The following PRORP variants were observed in gnomAD, a reference collection of about 807,000 sequenced individuals.
PRORP encodes protein only RNase P catalytic subunit, also known as mitochondrial ribonuclease P catalytic subunit.
A neutral mutation model predicts 59.4 loss-of-function variants in PRORP; 51 were observed. The observed-to-expected ratio is 0.86, with a 90% confidence interval of 0.69 to 1.08. The LOEUF (loss-of-function observed/expected upper bound fraction) is 1.08, where lower values mean the gene tolerates loss of function less well. PRORP is among the 50% of genes least tolerant of loss of function. The pLI is 0.00. For synonymous variants in PRORP, 231 were observed against 245.6 expected (o/e 0.94, Z 0.55); for missense variants, 646 against 690.3 (o/e 0.94, Z 0.72).
At chr14:35,129,360 T>G (rs2047178118) in intron 4 of PRORP, among the ~76,000 whole-genome samples, 1 of 152,078 alleles carries the variant, frequency 6.6e-6, no homozygotes, top group South Asian at 2.1e-4. Context: ...CCATTTTGTT[T>G]TCTGGTTGTT....
At chr14:35,135,094 A>G (rs1428639205) in intron 4 of PRORP, among the ~76,000 whole-genome samples, 60 of 152,124 alleles carry the variant, frequency 3.9e-4, no homozygotes, top group Non-Finnish European at 7.4e-5. Context: ...GTGTCTCACA[A>G]TTGCTGCACT....
chr14:35,123,737 G>A lies in PRORP; in HGVS notation c.492G>A (p.Trp164Ter), dbSNP rs1178695871. 3.7e-6 allele frequency: 6 copies of A among 1,614,172 alleles called. No individual in the cohort carries two copies. The highest frequency in any genetic ancestry group is 5.1e-6 in the Non-Finnish European group (6 of 1,180,038). Residue 164 changes from tryptophan (W) to a stop codon, truncating the protein, a stop_gained, in exon 2 of 8, where the codon TGG (tryptophan) becomes TGA (stop). Transcript: ENST00000534898. LOFTEE classifies it high-confidence loss of function. ...SIDVAKSLLA[W>*]VAAKNNGIVS... is the part of the protein sequence containing the mutation. ...ATGTGGCTAAATCTCTGCTGGCATG[G>A]GTAGCAGCCAAAAATAATGGTATTG...
intron 4 of PRORP, among the ~76,000 whole-genome samples, chr14:35,177,268 A>G (rs929881793): frequency 6.6e-6 from 1 of 152,192 alleles, no homozygotes; most frequent in African/African-American, 2.4e-5. Flanking sequence ...AAAATGAGTT[A>G]GGGAGGATTC....
intron 5 of PRORP, among the ~76,000 whole-genome samples, chr14:35,209,173 C>CA (rs35583820): frequency 2.4e-4 from 36 of 149,198 alleles, no homozygotes; most frequent in African/African-American, 5.7e-4. Context: ...GACTCTGCCT[C>CA]AAAAAAAAAA....
At chr14:35,219,517 A>G (rs75269934) in intron 5 of PRORP, among the ~76,000 whole-genome samples, 1,537 of 152,324 alleles carry the variant, frequency 0.01, 28 homozygotes, top group African/African-American at 0.035. Flanking sequence ...TGAGTACTTG[A>G]AAAGTATTTG....
intron 5 of PRORP, chr14:35,262,651 A>G: frequency 1.3e-6 from 1 of 762,840 alleles, no homozygotes; most frequent in Non-Finnish European, 2.4e-6. Context: ...GGAAACTGAA[A>G]GGAACTGGCT....
intron 5 of PRORP, among the ~76,000 whole-genome samples, chr14:35,228,272 T>G (rs1013126427): frequency 2.6e-5 from 4 of 152,240 alleles, no homozygotes; most frequent in African/African-American, 9.6e-5. Flanking sequence ...ACATAACATG[T>G]AACTCTGAAT....
At chr14:35,196,777 A>T (rs1339871891) in intron 5 of PRORP, among the ~76,000 whole-genome samples, 1 of 152,002 alleles carries the variant, frequency 6.6e-6, no homozygotes, top group Non-Finnish European at 1.5e-5. Context: ...GTATCACTTC[A>T]CCCACTCCTG....
chr14:35,141,007 AT>A (rs2047469044), intron 4 of PRORP, among the ~76,000 whole-genome samples: 1 of 145,994 alleles, frequency 6.8e-6, no homozygotes, highest in Non-Finnish European at 1.5e-5. Context: ...ACTGAAAGAT[AT>A]CTGTCATTTC....
rs761342598 is a variant in PRORP, at chr14:35,123,868, T to C, written c.623T>C (p.Leu208Ser). The change falls in exon 2 of 8, where the codon TTA becomes TCA. Residue 208 changes from leucine to serine, a missense_variant. By Grantham distance (145) the Leu-to-Ser change is moderately radical. Transcript: ENST00000534898. The part of the protein sequence containing the change: ...FEIMKARYKT[L>S]EPRGYSLLIR... ...ATTATGAAAGCCAGATATAAGACTT[T>C]AGAACCTAGAGGTTACAGTCTTCTC... 2.5e-6 allele frequency: 4 copies of C among 1,614,020 alleles called. No homozygotes were observed. The highest frequency in any genetic ancestry group is 1.7e-5 in the Admixed American group (1 of 59,978).
Position 35,275,552 on chromosome 14 carries a change from A to G in PRORP, c.*1986A>G, listed in dbSNP as rs1304507850. 1 of 152,352 alleles carries G rather than the reference A, an allele frequency of 6.6e-6. No individual in the cohort carries two copies. The highest frequency in any genetic ancestry group is 3.4e-3 in the Middle Eastern group (1 of 294). 9.4% of individuals were successfully genotyped at this position (152,352 alleles called of 1,614,324 possible). On this transcript the variant is annotated 3_prime_UTR_variant, in exon 8 of 8. Transcript: ENST00000534898. ...GGAAACTGTGCTTTCAGTGAGCTAA[A>G]CTTCTTTTTTTAAGTAACTATCATA...
intron 4 of PRORP, among the ~76,000 whole-genome samples, chr14:35,160,071 G>T (rs1157672836): frequency 6.6e-6 from 1 of 152,186 alleles, no homozygotes; most frequent in African/African-American, 2.4e-5. Flanking sequence ...TAATCTCGTT[G>T]ATTACTGGTG....
At chr14:35,186,048 A>T (rs2048732114) in intron 5 of PRORP, among the ~76,000 whole-genome samples, 1 of 152,144 alleles carries the variant, frequency 6.6e-6, no homozygotes, top group African/African-American at 2.4e-5. Context: ...AAGATGTGCT[A>T]AGTGGAACTG....
At chr14:35,224,597 T>A (rs1236312344) in intron 5 of PRORP, among the ~76,000 whole-genome samples, 1 of 152,170 alleles carries the variant, frequency 6.6e-6, no homozygotes, top group Non-Finnish European at 1.5e-5. Flanking sequence ...TTATGCAGCC[T>A]CTCCAATATA....
intron 5 of PRORP, among the ~76,000 whole-genome samples, chr14:35,197,696 A>G (rs984452363): frequency 4.6e-5 from 7 of 152,164 alleles, no homozygotes; most frequent in East Asian, 3.8e-4. Context: ...CACTCTGCCA[A>G]CTCAAGTGGA....
chr14:35,213,748 T>TC (rs1485512767), intron 5 of PRORP, among the ~76,000 whole-genome samples: 2 of 152,216 alleles, frequency 1.3e-5, no homozygotes, highest in Non-Finnish European at 2.9e-5. Flanking sequence ...GATTAGATTC[T>TC]CCATCTTACG....
At chr14:35,161,223 T>C (rs2138949477) in intron 4 of PRORP, among the ~76,000 whole-genome samples, 1 of 152,324 alleles carries the variant, frequency 6.6e-6, no homozygotes, top group East Asian at 1.9e-4. Flanking sequence ...TACAGGGGCT[T>C]TTATAGTATA....
intron 5 of PRORP, among the ~76,000 whole-genome samples, chr14:35,259,178 G>A (rs911485698): frequency 6.6e-6 from 1 of 152,134 alleles, no homozygotes; most frequent in African/African-American, 2.4e-5. Flanking sequence ...TTCTTAGATT[G>A]ACCCTGTTAC....
In PRORP at chr14:35,152,660, C is replaced by CG. The variant is rs770495747; in HGVS notation, c.1167+25049_1167+25050insG. ...AGGGCGGCTGCCTGGCGGAGACGCT[C>CG]CTCACTTCCCAGACGGGGCGGCTGC... On this transcript the variant is annotated intron_variant, in intron 4 of 7. Coordinates refer to ENST00000534898, the MANE Select transcript of PRORP (RefSeq NM_014672.4). Among the ~76,000 whole-genome samples the CG allele has an allele frequency of 2.1e-3, 313 of 151,906 alleles. 3 individuals carry two copies. Among genetic ancestry groups the CG allele is most frequent in the Non-Finnish European group, 9.0e-4 (61 of 67,928 alleles).
Sources: gnomAD v4.1 joint callset for allele counts (sites outside exome capture counted in the v4.1 genomes callset) on GRCh38, gnomAD v4.1.1 for gene constraint, MANE v1.5 for transcripts, NCBI Gene and HGNC (gene_info 2026-07-23, HGNC 2026-07-21) for gene names.